PALM2AKAP2: variants seen among roughly 807,000 people sequenced by gnomAD.
PALM2AKAP2 encodes the protein PALM2-AKAP2 fusion protein.
PALM2AKAP2 carries 37 observed loss-of-function variants against 71.5 expected under a neutral mutation model. The ratio of observed to expected loss-of-function variants is 0.52; its 90% CI spans 0.40 to 0.68. The LOEUF (loss-of-function observed/expected upper bound fraction) is 0.68, where lower values mean the gene tolerates loss of function less well. Among genes scored for constraint, PALM2AKAP2 ranks in the 30% least tolerant of loss-of-function variants. The probability of loss-of-function intolerance (pLI) is 0.00; values close to 1 mark genes in which losing one functional copy is unlikely to be tolerated. For synonymous variants in PALM2AKAP2, 468 were observed against 478.8 expected (o/e 0.98, Z 0.29); for missense variants, 1,224 against 1,191.8 (o/e 1.03, Z -0.40).
intron 1 of PALM2AKAP2, among the ~76,000 whole-genome samples, chr9:110,054,755 A>G (rs1160957849): frequency 6.6e-6 from 1 of 151,940 alleles, no homozygotes; most frequent in Non-Finnish European, 1.5e-5. Context: ...TATTGTTTGT[A>G]GAGACAGGGT....
chr9:110,080,888 A>G (rs1312907375), intron 1 of PALM2AKAP2, among the ~76,000 whole-genome samples: 2 of 152,088 alleles, frequency 1.3e-5, no homozygotes, highest in Non-Finnish European at 2.9e-5. Context: ...TCATGTTGGC[A>G]AGGCTGGTCT....
At chr9:109,829,711 G>A (rs141759654) in intron 1 of PALM2AKAP2, among the ~76,000 whole-genome samples, 89 of 151,840 alleles carry the variant, frequency 5.9e-4, no homozygotes, top group African/African-American at 2.1e-3. Flanking sequence ...TTTGAGGCGT[G>A]CTTATGCAGT....
chr9:109,802,118 G>A lies in PALM2AKAP2; in HGVS notation c.45+21585G>A, dbSNP rs1037367970. 2.0e-5 allele frequency among the ~76,000 whole-genome samples: 3 copies of A among 152,176 alleles called. 1 individual carries two copies. Among genetic ancestry groups the A allele is most frequent in the East Asian group, 3.8e-4 (2 of 5,198 alleles). On this transcript the variant is annotated intron_variant, in intron 1 of 9. Transcript: ENST00000302798. ...TTCTCACTGTGGGATGGAGCAAGAA[G>A]GCCCTGAGCGTGTTTCTCTAAAAAT...
At chr9:109,775,473 A>G (rs1829337087), upstream of PALM2AKAP2, among the ~76,000 whole-genome samples, 1 of 152,222 alleles carries the variant, frequency 6.6e-6, no homozygotes, top group Non-Finnish European at 1.5e-5. Context: ...TTGAAATCCC[A>G]TCAACTTTCC....
At chr9:109,661,575 T>G (rs1314528844) in intron 1 of PALM2AKAP2, among the ~76,000 whole-genome samples, 1 of 152,226 alleles carries the variant, frequency 6.6e-6, no homozygotes, top group Non-Finnish European at 1.5e-5. Context: ...AGCCTTGTAG[T>G]ATAGTTTGAA....
At chr9:110,137,876 C>T in exon 2 of PALM2AKAP2, 1 of 1,614,192 alleles carries the variant, frequency 6.2e-7, no homozygotes, top group Non-Finnish European at 8.5e-7. Context: ...ATTTAGTGAT[C>T]ATGGTTTCTA....
At chr9:110,008,191 G>A (rs945940382) in intron 6 of PALM2AKAP2, among the ~76,000 whole-genome samples, 4 of 152,068 alleles carry the variant, frequency 2.6e-5, no homozygotes, top group African/African-American at 9.7e-5. Context: ...TAGTTTCTAC[G>A]GCTAGCCCTG....
intron 1 of PALM2AKAP2, among the ~76,000 whole-genome samples, chr9:109,657,300 TC>T (rs1283316830): frequency 2.6e-5 from 4 of 152,264 alleles, no homozygotes; most frequent in African/African-American, 9.6e-5. Flanking sequence ...CCATGAAATA[TC>T]ATGACTGATT....
chr9:110,081,421 T>C (rs1834446587), intron 1 of PALM2AKAP2, among the ~76,000 whole-genome samples: 1 of 152,228 alleles, frequency 6.6e-6, no homozygotes, highest in Non-Finnish European at 1.5e-5. Flanking sequence ...AATTGTGGCT[T>C]GCATGTTGCC....
intron 1 of PALM2AKAP2, among the ~76,000 whole-genome samples, chr9:110,049,210 T>G (rs1246301711): frequency 6.6e-6 from 1 of 151,942 alleles, no homozygotes; most frequent in Non-Finnish European, 1.5e-5. Flanking sequence ...GGAAAAGCAG[T>G]GAAATCAAAT....
At chr9:109,961,303 C>T (rs1831847336) in intron 6 of PALM2AKAP2, among the ~76,000 whole-genome samples, 1 of 152,212 alleles carries the variant, frequency 6.6e-6, no homozygotes, top group South Asian at 2.1e-4. Flanking sequence ...CTTCTAGGAA[C>T]CGGTAATGAA....
rs1185367459 is a variant in PALM2AKAP2, at chr9:110,111,114, C to T, written c.157-25013C>T. 2.4e-4 allele frequency among the ~76,000 whole-genome samples: 13 copies of T among 53,598 alleles called. No homozygotes were observed. In the East Asian group the frequency reaches 7.0e-3, roughly 29 times the overall value. The allele number at this position is 53,598 out of a possible 152,430, so 35.2% of individuals were successfully genotyped here. ...TTTTTTTTTTTTTTTTTTTTTGAGA[C>T]GGAGTCTTGCTCTGTCACCCAGGCT... On this transcript the variant is annotated intron_variant, in intron 1 of 3. Transcript: ENST00000374525.
chr9:109,818,300 C>G (rs1479238104), intron 1 of PALM2AKAP2, among the ~76,000 whole-genome samples: 1 of 151,980 alleles, frequency 6.6e-6, no homozygotes, highest in African/African-American at 2.4e-5. Context: ...ATGACTGAAT[C>G]ATAGCATCTT....
intron 1 of PALM2AKAP2, among the ~76,000 whole-genome samples, chr9:109,789,217 GC>G (rs1827044507): frequency 6.6e-6 from 1 of 152,110 alleles, no homozygotes; most frequent in Non-Finnish European, 1.5e-5. Flanking sequence ...CACCATGACA[GC>G]CCCATTGAGA....
intron 1 of PALM2AKAP2, among the ~76,000 whole-genome samples, chr9:110,066,472 G>A (rs1373327424): frequency 6.6e-6 from 1 of 152,206 alleles, no homozygotes; most frequent in African/African-American, 2.4e-5. Context: ...TAAGGCAGGA[G>A]GATTACTTGA....
chr9:109,930,601 T>G (rs749655014), intron 5 of PALM2AKAP2, among the ~76,000 whole-genome samples: 31 of 152,370 alleles, frequency 2.0e-4, no homozygotes, highest in Non-Finnish European at 2.9e-4. Context: ...TTCTGGATTG[T>G]TCAGACTCAT....
chr9:109,737,228 A>C (rs1250659301), intron 1 of PALM2AKAP2, among the ~76,000 whole-genome samples: 1 of 152,246 alleles, frequency 6.6e-6, no homozygotes, highest in Non-Finnish European at 1.5e-5. Context: ...GTGGTAGGAA[A>C]AATGTGAGCA....
chr9:109,688,408 A>AT (rs559261629), intron 1 of PALM2AKAP2, among the ~76,000 whole-genome samples: 178 of 152,378 alleles, frequency 1.2e-3, no homozygotes, highest in African/African-American at 4.0e-3. Context: ...TGGAGCGCCC[A>AT]TAGGGTGGCA....
chr9:109,770,696 A>T (rs765546), intron 1 of PALM2AKAP2, among the ~76,000 whole-genome samples: 33,841 of 152,122 alleles, frequency 0.22, 3,822 homozygotes, highest in South Asian at 0.33. Flanking sequence ...ACTTGGGCAC[A>T]ACTGGTGCTG....
Sources: gnomAD v4.1 joint callset for allele counts (sites outside exome capture counted in the v4.1 genomes callset) on GRCh38, gnomAD v4.1.1 for gene constraint, MANE v1.5 for transcripts, NCBI Gene and HGNC (gene_info 2026-07-23, HGNC 2026-07-21) for gene names.